Variants in CNTN1 observed in about 807,000 individuals in gnomAD.
CNTN1 encodes the protein contactin-1.
Under a neutral mutation model 126.4 loss-of-function variants are expected in CNTN1, and 38 were observed. The ratio of observed to expected loss-of-function variants is 0.30; its 90% CI spans 0.23 to 0.39. The LOEUF (loss-of-function observed/expected upper bound fraction) is 0.39. Ranked by LOEUF, CNTN1 falls within the 10% of genes least tolerant of loss-of-function variation. CNTN1 has a pLI of 1.00. For synonymous variants in CNTN1, 413 were observed against 422.6 expected, an observed-to-expected ratio of 0.98 and a Z score of 0.28; for missense variants, 1,009 against 1,248.4, an observed-to-expected ratio of 0.81 and a Z score of 2.89.
rs755027088 is a variant in CNTN1 at position 41,020,425 on chromosome 12, A to G, written c.2508A>G (p.Ile836Met). 1.3e-5 allele frequency: 21 copies of G among 1,607,002 alleles called. No homozygotes were observed. Among genetic ancestry groups the G allele is most frequent in the Non-Finnish European group, 1.8e-5 (21 of 1,174,116 alleles). The stretch of plus-strand genomic sequence containing the variant: ...ATTGGGAACATGTTTTAGAAAAAAT[A>G]GTGGAAAGCTATCAGGTACGTTAAA... ...SVHWEHVLEK[I>M]VESYQIRYWA... The change falls in exon 20 of 24, where the codon ATA becomes ATG. Residue 836 changes from isoleucine to methionine, a missense_variant. Transcript: ENST00000551295.
intron 1 of CNTN1, among the ~76,000 whole-genome samples, chr12:40,770,147 T>C (rs796476442): frequency 2.6e-5 from 4 of 152,156 alleles, no homozygotes; most frequent in Non-Finnish European, 1.5e-5. Context: ...TCCCTCTTTA[T>C]AAAGCAATCA....
chr12:40,750,615 C>G (rs969765301), intron 1 of CNTN1, among the ~76,000 whole-genome samples: 1 of 151,560 alleles, frequency 6.6e-6, no homozygotes, highest in Non-Finnish European at 1.5e-5. Context: ...ACAGTCTAGG[C>G]AAGATAGTGA....
chr12:40,927,132 G>T (rs1380338160), intron 6 of CNTN1, among the ~76,000 whole-genome samples: 2 of 152,048 alleles, frequency 1.3e-5, no homozygotes, highest in Non-Finnish European at 2.9e-5. Context: ...GCAAAAGCAA[G>T]AAGTGTCATA....
intron 15 of CNTN1, among the ~76,000 whole-genome samples, chr12:40,961,422 T>G (rs76165559): frequency 5.8e-4 from 89 of 152,150 alleles, no homozygotes; most frequent in African/African-American, 2.1e-3. Context: ...ATTAAACAGT[T>G]GTTTTTATTT....
chr12:40,747,953 A>G (rs542682886), intron 1 of CNTN1, among the ~76,000 whole-genome samples: 1 of 152,288 alleles, frequency 6.6e-6, no homozygotes, highest in South Asian at 2.1e-4. Context: ...TAGATACTAA[A>G]TTAGATCTCT....
At chr12:40,892,772 C>A (rs1028216339) in intron 1 of CNTN1, among the ~76,000 whole-genome samples, 10 of 152,012 alleles carry the variant, frequency 6.6e-5, no homozygotes, top group Non-Finnish European at 1.0e-4. Flanking sequence ...GGGTGATTTG[C>A]TAACATCTCA....
intron 21 of CNTN1, among the ~76,000 whole-genome samples, chr12:41,025,600 T>C (rs1208061464): frequency 2.0e-5 from 3 of 152,222 alleles, no homozygotes; most frequent in Non-Finnish European, 4.4e-5. Context: ...TCAAATTCTG[T>C]GCCATTAACT....
intron 1 of CNTN1, among the ~76,000 whole-genome samples, chr12:40,848,857 G>C (rs1038743747): frequency 3.6e-4 from 54 of 149,750 alleles, no homozygotes; most frequent in African/African-American, 1.3e-3. Context: ...TAACAGTAGG[G>C]ACTGGTTATA....
chr12:41,023,985 G>A (rs1948983978), intron 20 of CNTN1, among the ~76,000 whole-genome samples: 1 of 152,118 alleles, frequency 6.6e-6, no homozygotes, highest in African/African-American at 2.4e-5. Context: ...ACCACTGTGG[G>A]CAACTGGTAC....
chr12:40,767,358 G>T (rs1249741956), intron 1 of CNTN1, among the ~76,000 whole-genome samples: 1 of 138,942 alleles, frequency 7.2e-6, no homozygotes, highest in Non-Finnish European at 1.5e-5. Flanking sequence ...GCCCAGGCTG[G>T]AGTGCAGTGG....
At chr12:40,851,120 C>T (rs565081441) in intron 1 of CNTN1, among the ~76,000 whole-genome samples, 11 of 152,272 alleles carry the variant, frequency 7.2e-5, no homozygotes, top group African/African-American at 2.6e-4. Flanking sequence ...AAGGACTTTT[C>T]CAAAGCCTTT....
At chr12:40,831,737 T>C (rs1380042100) in intron 1 of CNTN1, among the ~76,000 whole-genome samples, 1 of 152,112 alleles carries the variant, frequency 6.6e-6, no homozygotes, top group Admixed American at 6.6e-5. Flanking sequence ...GACAACTCAG[T>C]GCAATAAGGA....
At chr12:40,966,036 A>ACACACACG (rs1379183927) in intron 15 of CNTN1, among the ~76,000 whole-genome samples, 2 of 149,198 alleles carry the variant, frequency 1.3e-5, no homozygotes, top group Admixed American at 6.7e-5. Flanking sequence ...ACACACACAC[A>ACACACACG]CACGCACGCA....
chr12:40,869,062 TA>T (rs1405347168), intron 1 of CNTN1, among the ~76,000 whole-genome samples: 11 of 151,936 alleles, frequency 7.2e-5, no homozygotes, highest in Non-Finnish European at 1.3e-4. Flanking sequence ...ATTTTATGAT[TA>T]AATTTCTATT....
chr12:40,713,821 G>GA (rs1455137413), intron 1 of CNTN1, among the ~76,000 whole-genome samples: 1 of 152,102 alleles, frequency 6.6e-6, no homozygotes, highest in Non-Finnish European at 1.5e-5. Context: ...GAGAACCACT[G>GA]AAAAATAGAG....
intron 3 of CNTN1, among the ~76,000 whole-genome samples, chr12:40,916,875 C>T (rs1227737272): frequency 1.3e-5 from 2 of 151,954 alleles, no homozygotes; most frequent in African/African-American, 4.8e-5. Context: ...TCCTCTCATT[C>T]TTCTGATTCT....
intron 14 of CNTN1, among the ~76,000 whole-genome samples, chr12:40,945,327 A>G (rs993251933): frequency 6.6e-6 from 1 of 152,076 alleles, no homozygotes; most frequent in Non-Finnish European, 1.5e-5. Flanking sequence ...CTTTATTTAA[A>G]GTGTATTTTA....
At chr12:40,939,602 C>T in intron 12 of CNTN1, 117 bp downstream of exon 12, 1 of 1,102,596 alleles carries the variant, frequency 9.1e-7, no homozygotes, top group Non-Finnish European at 1.3e-6. Flanking sequence ...TTTTTTTTCA[C>T]AGAAGATCCT....
intron 3 of CNTN1, 108 bp from the exon 4 acceptor site, chr12:40,918,531 A>G: frequency 2.0e-6 from 2 of 982,778 alleles, no homozygotes; most frequent in Non-Finnish European, 3.1e-6. Flanking sequence ...TTGAATTAAA[A>G]TGGAGATTCT....
Sources: allele counts gnomAD v4.1 joint callset (sites outside exome capture counted in the v4.1 genomes callset), GRCh38; gene constraint gnomAD v4.1.1; transcripts MANE v1.5; gene names NCBI Gene and HGNC (gene_info 2026-07-23, HGNC 2026-07-21).